Variants in PHLPP1 observed in about 807,000 individuals in gnomAD.
PHLPP1 encodes the protein PH domain and leucine rich repeat protein phosphatase 1.
PHLPP1 carries 42 observed loss-of-function variants against 117.2 expected under a neutral mutation model. That is an observed-to-expected ratio of 0.36 (90% confidence interval 0.28 to 0.46). PHLPP1 has a LOEUF of 0.46. Among genes scored for constraint, PHLPP1 ranks in the 20% least tolerant of loss-of-function variants. The probability of loss-of-function intolerance (pLI) is 1.00; values close to 1 mark genes in which losing one functional copy is unlikely to be tolerated. For synonymous variants in PHLPP1, 1,042 were observed against 970.7 expected (o/e 1.07, Z -1.37); for missense variants, 2,084 against 2,241.9 (o/e 0.93, Z 1.42).
chr18:62,827,250 A>G (rs936969763), intron 1 of PHLPP1, among the ~76,000 whole-genome samples: 10 of 152,300 alleles, frequency 6.6e-5, no homozygotes, highest in African/African-American at 2.4e-4. Flanking sequence ...CTCCTGGATC[A>G]TGTAAAAATG....
intron 1 of PHLPP1, among the ~76,000 whole-genome samples, chr18:62,743,746 C>T (rs114487383): frequency 8.0e-4 from 122 of 152,150 alleles, no homozygotes; most frequent in African/African-American, 2.5e-3. Flanking sequence ...TCCCGCCTCT[C>T]CAGCTCTTCT....
intron 4 of PHLPP1, among the ~76,000 whole-genome samples, chr18:62,862,344 G>T (rs1915654211): frequency 6.6e-6 from 1 of 152,068 alleles, no homozygotes; most frequent in African/African-American, 2.4e-5. Context: ...ACCTCCCAAA[G>T]TGCTGGGATT....
intron 4 of PHLPP1, among the ~76,000 whole-genome samples, 190 bp downstream of exon 4, chr18:62,860,791 C>T (rs922140510): frequency 6.6e-6 from 1 of 152,128 alleles, no homozygotes; most frequent in Admixed American, 6.5e-5. Flanking sequence ...TTTTAAGGTT[C>T]TTGCTTTTGA....
At chr18:62,958,001 C>G (rs1411284244) in intron 12 of PHLPP1, among the ~76,000 whole-genome samples, 4 of 152,188 alleles carry the variant, frequency 2.6e-5, no homozygotes, top group African/African-American at 9.7e-5. Flanking sequence ...AGCCACTGTG[C>G]CCGGTGCACC....
At chr18:62,831,119 C>T (rs1315394464) in intron 2 of PHLPP1, among the ~76,000 whole-genome samples, 1 of 151,978 alleles carries the variant, frequency 6.6e-6, no homozygotes, top group East Asian at 1.9e-4. Context: ...TATTTTATTG[C>T]TATTATTTAT....
At chr18:62,790,286 G>A (rs1365265911) in intron 1 of PHLPP1, among the ~76,000 whole-genome samples, 1 of 152,188 alleles carries the variant, frequency 6.6e-6, no homozygotes. Flanking sequence ...TAAAACACGT[G>A]GGAGGAGGTA....
intron 4 of PHLPP1, among the ~76,000 whole-genome samples, chr18:62,879,976 C>G (rs547780441): frequency 6.6e-6 from 1 of 152,038 alleles, no homozygotes; most frequent in Non-Finnish European, 1.5e-5. Flanking sequence ...TTCCTCCCCC[C>G]ACCCCCCAAT....
chr18:62,851,874 T>C (rs1915360072), intron 3 of PHLPP1, among the ~76,000 whole-genome samples: 1 of 152,068 alleles, frequency 6.6e-6, no homozygotes, highest in South Asian at 2.1e-4. Flanking sequence ...TGCGTAATCT[T>C]TTTTCTTTTC....
At chr18:62,762,196 T>C (rs1388768744) in intron 1 of PHLPP1, among the ~76,000 whole-genome samples, 3 of 152,030 alleles carry the variant, frequency 2.0e-5, no homozygotes, top group Admixed American at 6.6e-5. Context: ...ATGTACTTTG[T>C]ATCTAGTTCA....
intron 1 of PHLPP1, among the ~76,000 whole-genome samples, chr18:62,821,811 G>A (rs933490319): frequency 1.3e-5 from 2 of 151,410 alleles, no homozygotes; most frequent in African/African-American, 4.9e-5. Context: ...GAGTGCAGTG[G>A]TGCTGTTTCG....
rs1327872019 is a variant in PHLPP1 at position 62,978,402 on chromosome 18, G to A, written c.4125G>A (p.Gly1375=). 1 of 1,612,562 alleles carries A rather than the reference G, an allele frequency of 6.2e-7. No individual in the cohort carries two copies. ...AGTTCTTCATCCTAGGCAGTAAGGG[G>A]TTGTGGGACAGCCTGTCCGTCGAGG... The part of the protein sequence containing the change: ...QDEFFILGSK[G]LWDSLSVEEA... The change falls in exon 17 of 17, where the codon GGG becomes GGA. Residue 1375 remains glycine (G), a synonymous_variant. Transcript: ENST00000262719. The surrounding 1 kb of genome is among the most constrained non-coding windows in gnomAD (Gnocchi z 7.0).
At chr18:62,870,699 T>C (rs1237842809) in intron 4 of PHLPP1, among the ~76,000 whole-genome samples, 1 of 152,234 alleles carries the variant, frequency 6.6e-6, no homozygotes, top group East Asian at 1.9e-4. Context: ...ACATATCCCC[T>C]TAATTTTTCT....
chr18:62,717,462 G>A (rs1369801210), intron 1 of PHLPP1, among the ~76,000 whole-genome samples: 1 of 152,066 alleles, frequency 6.6e-6, no homozygotes, highest in African/African-American at 2.4e-5. Flanking sequence ...TCAATCTTGA[G>A]GGCTCAGAGG....
chr18:62,972,560 G>A lies in PHLPP1; in HGVS notation c.3607G>A (p.Glu1203Lys), dbSNP rs753141834. The change falls in exon 15 of 17, where the codon GAA becomes AAA. Residue 1203 changes from glutamate (E) to lysine (K), a missense_variant. Coordinates refer to ENST00000262719, the MANE Select transcript of PHLPP1 (RefSeq NM_194449.4). The stretch of plus-strand genomic sequence containing the variant: ...GGTGAATAACTTCTGTGACAACCGC[G>A]AAGCCCTGTATGGTGTGTTTGACGG... The part of the protein sequence containing the change: ...LSVNNFCDNR[E>K]ALYGVFDGDR... 4.3e-6 allele frequency: 7 copies of A among 1,613,606 alleles called. No individual in the cohort carries two copies. Among genetic ancestry groups the A allele is most frequent in the African/African-American group, 2.7e-5 (2 of 75,022 alleles).
At chr18:62,955,141 A>G (rs1049584023) in intron 12 of PHLPP1, among the ~76,000 whole-genome samples, 2 of 152,252 alleles carry the variant, frequency 1.3e-5, no homozygotes, top group East Asian at 3.8e-4. Context: ...AAAGCAAGAA[A>G]AGCATGAAGA....
chr18:62,979,392 G>A lies in PHLPP1; in HGVS notation c.5115G>A (p.Gln1705=), dbSNP rs1489970593. The change falls in exon 17 of 17, where the codon CAG becomes CAA. Residue 1705 remains glutamine, a synonymous_variant. Transcript: ENST00000262719. The part of the protein sequence containing the change: ...QLQPQLPRHY[Q]LDQLPDYYDT... ...AGCCGCAGCTGCCGCGGCACTACCA[G>A]CTGGACCAGCTGCCAGATTATTACG... is the stretch of plus-strand genomic sequence containing the variant. The A allele has an allele frequency of 3.2e-6, 5 of 1,551,520 alleles. No homozygotes were observed. The highest frequency in any genetic ancestry group is 4.4e-6 in the Non-Finnish European group (5 of 1,146,890).
At chr18:62,742,788 A>C (rs890901091) in intron 1 of PHLPP1, among the ~76,000 whole-genome samples, 5 of 152,172 alleles carry the variant, frequency 3.3e-5, no homozygotes, top group African/African-American at 4.8e-5. Flanking sequence ...CCATCCCAGC[A>C]CACTCATTTT....
chr18:62,769,943 C>G (rs908522788), intron 1 of PHLPP1, among the ~76,000 whole-genome samples: 2 of 152,152 alleles, frequency 1.3e-5, no homozygotes, highest in South Asian at 4.1e-4. Flanking sequence ...TTTGTGAAAT[C>G]TTGGACAACT....
chr18:62,896,517 G>T (rs1162902165), intron 6 of PHLPP1, among the ~76,000 whole-genome samples: 1 of 151,916 alleles, frequency 6.6e-6, no homozygotes, highest in Non-Finnish European at 1.5e-5. Flanking sequence ...GGATGGTCTC[G>T]ATCTCCTGAC....
Sources: allele counts gnomAD v4.1 joint callset (sites outside exome capture counted in the v4.1 genomes callset), GRCh38; gene constraint gnomAD v4.1.1; non-coding constraint Gnocchi (gnomAD v3.1); transcripts MANE v1.5; gene names NCBI Gene and HGNC (gene_info 2026-07-23, HGNC 2026-07-21).